Variants in MACROH2A2 observed in about 807,000 individuals in gnomAD.
MACROH2A2 encodes the protein macroH2A.2 histone.
Under a neutral mutation model 37.6 loss-of-function variants are expected in MACROH2A2, and 6 were observed. That is an observed-to-expected ratio of 0.16 (90% CI 0.09 to 0.32). The LOEUF (loss-of-function observed/expected upper bound fraction) is 0.32, where lower values mean the gene tolerates loss of function less well. Ranked by LOEUF, MACROH2A2 falls within the 10% of genes least tolerant of loss-of-function variation. The probability of loss-of-function intolerance (pLI) is 1.00; values close to 1 mark genes in which losing one functional copy is unlikely to be tolerated. For missense variants in MACROH2A2, 290 were observed against 485.9 expected, an observed-to-expected ratio of 0.60 and a Z score of 3.79; for synonymous variants, 192 against 202.7, an observed-to-expected ratio of 0.95 and a Z score of 0.45.
chr10:70,072,565 T>A (rs2072116757), intron 1 of MACROH2A2, among the ~76,000 whole-genome samples: 2 of 152,204 alleles, frequency 1.3e-5, no homozygotes, highest in Admixed American at 1.3e-4. Flanking sequence ...TACATAATTA[T>A]ATGTGCTAGA....
chr10:70,059,904 G>T (rs1170987551), intron 1 of MACROH2A2, among the ~76,000 whole-genome samples: 2 of 152,140 alleles, frequency 1.3e-5, no homozygotes, highest in African/African-American at 4.8e-5. Context: ...GTGTGGTGTG[G>T]CCAGTGGTAG....
At chr10:70,062,679 C>T (rs1564540149) in intron 1 of MACROH2A2, among the ~76,000 whole-genome samples, 1 of 152,022 alleles carries the variant, frequency 6.6e-6, no homozygotes, top group Non-Finnish European at 1.5e-5. Context: ...CCTGTGACAC[C>T]CTGGCCTATA....
At position 70,112,207 on chromosome 10, in the gene MACROH2A2, TTG is replaced by T. The variant is rs1238391961; in HGVS notation, c.*525_*526del. 6.6e-6 allele frequency: 1 copy of T among 151,870 alleles called. No individual in the cohort carries two copies. Among genetic ancestry groups the T allele is most frequent in the African/African-American group, 2.4e-5 (1 of 41,424 alleles). The allele number at this position is 151,870 out of a possible 1,614,324, so 9.4% of individuals were successfully genotyped here. On this transcript the variant is annotated 3_prime_UTR_variant, in exon 9 of 9. Transcript: ENST00000373255. ...AAAAGGTTTTGATTCAGGCTTTTTTTTGGTTTCATTTTGTTTTTTTAAGAAAA... is the reference window on the plus strand; with the variant it reads ...AAAAGGTTTTGATTCAGGCTTTTTTTGTTTCATTTTGTTTTTTTAAGAAAA...
chr10:70,084,854 T>TGCCTCTGCCTCC (rs1280945843), intron 2 of MACROH2A2, among the ~76,000 whole-genome samples: 1 of 152,166 alleles, frequency 6.6e-6, no homozygotes, highest in Non-Finnish European at 1.5e-5. Flanking sequence ...TGCCTGCCTC[T>TGCCTCTGCCTCC]GCCTCTGCCT....
chr10:70,084,215 T>G (rs1171712103), intron 2 of MACROH2A2, among the ~76,000 whole-genome samples: 1 of 152,178 alleles, frequency 6.6e-6, no homozygotes, highest in Admixed American at 6.5e-5. Context: ...TTATTGCATT[T>G]GTGTTTTTAA....
rs561845741 is a variant in MACROH2A2 at position 70,088,227 on chromosome 10, C to T, written c.173-1833C>T. On this transcript the variant is annotated intron_variant, in intron 2 of 8. Transcript: ENST00000373255. ...CACACACACAGTACATTCACGCACA[C>T]ACACACGCACATATGCCCGCCTGCA... Among the ~76,000 whole-genome samples, 180 of 151,758 alleles carry T rather than the reference C, an allele frequency of 1.2e-3. 1 individual carries two copies. Among genetic ancestry groups the T allele is most frequent in the African/African-American group, 4.2e-3 (172 of 41,282 alleles).
At chr10:70,110,466 A>C (rs971565135) in intron 8 of MACROH2A2, among the ~76,000 whole-genome samples, 1 of 152,252 alleles carries the variant, frequency 6.6e-6, no homozygotes, top group Non-Finnish European at 1.5e-5. Flanking sequence ...CAATTGGGTT[A>C]GTATATAAAC....
At chr10:70,086,944 A>G (rs2072215560) in intron 2 of MACROH2A2, among the ~76,000 whole-genome samples, 3 of 152,158 alleles carry the variant, frequency 2.0e-5, no homozygotes, top group Admixed American at 2.0e-4. Context: ...AAATCCCAAC[A>G]CTTTGGGAAG....
rs1298188561 is a variant in MACROH2A2 at position 70,107,331 on chromosome 10, G to T, written c.779-1702G>T. 2.6e-5 allele frequency among the ~76,000 whole-genome samples: 4 copies of T among 152,184 alleles called. No individual in the cohort carries two copies. Among genetic ancestry groups the T allele is most frequent in the African/African-American group, 9.7e-5 (4 of 41,450 alleles). ...AGGAAATACTTATATAAACTAGGTG[G>T]GCATCATAGATTTCCAGTCAGTCTT... On this transcript the variant is annotated intron_variant, in intron 7 of 8. Transcript: ENST00000373255. The surrounding 1 kb of genome is among the most constrained non-coding windows in gnomAD (Gnocchi z 4.4).
At chr10:70,074,431 G>T (rs1449976240) in intron 1 of MACROH2A2, among the ~76,000 whole-genome samples, 1 of 152,126 alleles carries the variant, frequency 6.6e-6, no homozygotes, top group African/African-American at 2.4e-5. Flanking sequence ...GCCTCTTCTG[G>T]CCTGTTTCCA....
intron 2 of MACROH2A2, among the ~76,000 whole-genome samples, chr10:70,087,755 C>A (rs774430345): frequency 6.6e-6 from 1 of 152,170 alleles, no homozygotes; most frequent in Non-Finnish European, 1.5e-5. Context: ...TCAGAAAACA[C>A]GGTCACTGCA....
chr10:70,076,547 CAG>C (rs1179445229), intron 2 of MACROH2A2, among the ~76,000 whole-genome samples: 2 of 152,086 alleles, frequency 1.3e-5, no homozygotes, highest in Non-Finnish European at 2.9e-5. Context: ...TTTACAATAT[CAG>C]GGGTGCTTTT....
intron 2 of MACROH2A2, among the ~76,000 whole-genome samples, chr10:70,076,857 C>CT (rs2072142656): frequency 6.6e-6 from 1 of 152,118 alleles, no homozygotes; most frequent in African/African-American, 2.4e-5. Flanking sequence ...TCTTTAGATG[C>CT]TCAGTCCTGC....
intron 3 of MACROH2A2, 118 bp downstream of exon 3, chr10:70,090,284 A>AACTC (rs1344759638): frequency 1.5e-6 from 1 of 678,676 alleles, no homozygotes; most frequent in Non-Finnish European, 2.6e-6. Context: ...ATACAAAAAA[A>AACTC]ACTCAGGCCA....
At chr10:70,078,594 A>G (rs10999123) in intron 2 of MACROH2A2, among the ~76,000 whole-genome samples, 6,357 of 152,280 alleles carry the variant, frequency 0.042, 440 homozygotes, top group East Asian at 0.25. Context: ...TTTTAACCTC[A>G]TTCAATGAGC....
chr10:70,082,343 G>T (rs368672588), intron 2 of MACROH2A2, among the ~76,000 whole-genome samples: 1 of 152,116 alleles, frequency 6.6e-6, no homozygotes, highest in East Asian at 1.9e-4. Flanking sequence ...GCTTGAACCC[G>T]GGAGGCGGAG....
At position 70,093,677 on chromosome 10, in the gene MACROH2A2, G is replaced by C. The variant is rs765216015; in HGVS notation, c.478-58G>C. ...GCAGCCGTGAGAAGAGCTTAATAAA[G>C]GCACCTCAGGCTTTTTCTGGATTGG... On this transcript the variant is annotated intron_variant, in intron 4 of 8. Transcript: ENST00000373255. 1.9e-4 allele frequency: 164 copies of C among 880,034 alleles called. 1 individual carries two copies. The highest frequency in any genetic ancestry group is 2.3e-4 in the Non-Finnish European group (120 of 523,794). The allele number at this position is 880,034 out of a possible 1,614,324, so 54.5% of individuals were successfully genotyped here. A position where few individuals can be genotyped will look rare whatever the true frequency, so the allele number is the denominator to read the frequency against.
rs1444221761 is a variant in MACROH2A2, at chr10:70,107,909, G to A, written c.779-1124G>A. ...AGTACCCTGACTCTGTGGGGCCCAG[G>A]CACAGCTATTTTTTAAAAGCCACAG... On this transcript the variant is annotated intron_variant, in intron 7 of 8. Transcript: ENST00000373255. The surrounding 1 kb of genome is among the most constrained non-coding windows in gnomAD (Gnocchi z 4.4). Among the ~76,000 whole-genome samples, 2 of 152,124 alleles carry A rather than the reference G, an allele frequency of 1.3e-5. No individual in the cohort carries two copies. Among genetic ancestry groups the A allele is most frequent in the Non-Finnish European group, 2.9e-5 (2 of 68,022 alleles).
At chr10:70,090,778 A>C (rs1194699867) in intron 3 of MACROH2A2, among the ~76,000 whole-genome samples, 1 of 152,248 alleles carries the variant, frequency 6.6e-6, no homozygotes, top group East Asian at 1.9e-4. Context: ...GCAAACTACA[A>C]GCCATAATTT....
Sources: allele counts gnomAD v4.1 joint callset (sites outside exome capture counted in the v4.1 genomes callset), GRCh38; gene constraint gnomAD v4.1.1; non-coding constraint Gnocchi (gnomAD v3.1); transcripts MANE v1.5; gene names NCBI Gene and HGNC (gene_info 2026-07-23, HGNC 2026-07-21).